The following CRADD variants were observed in gnomAD, a reference collection of about 807,000 sequenced individuals.
The protein encoded by CRADD is death domain-containing protein CRADD.
In CRADD, 9 loss-of-function variants were observed where a neutral mutation model predicts 15.5. The ratio of observed to expected loss-of-function variants is 0.58; its 90% CI spans 0.35 to 1.01. The LOEUF (loss-of-function observed/expected upper bound fraction) is 1.01, where lower values mean the gene tolerates loss of function less well. Among genes scored for constraint, CRADD ranks in the 50% least tolerant of loss-of-function variants. The pLI is 0.02. For missense variants in CRADD, 227 were observed against 250.3 expected (o/e 0.91, Z 0.63); for synonymous variants, 118 against 107.6 (o/e 1.10, Z -0.60).
At chr12:93,800,791 C>A (rs1476000892) in intron 2 of CRADD, among the ~76,000 whole-genome samples, 1 of 152,160 alleles carries the variant, frequency 6.6e-6, no homozygotes, top group Non-Finnish European at 1.5e-5. Context: ...TCTGTTGATT[C>A]AAATGCTACT....
chr12:93,880,771 C>T (rs1378291273), intron 2 of CRADD, among the ~76,000 whole-genome samples: 2 of 152,244 alleles, frequency 1.3e-5, no homozygotes, highest in Non-Finnish European at 2.9e-5. Context: ...CAAAAGATCT[C>T]TTTCTGCCTT....
At chr12:93,707,980 C>G (rs1450395591) in intron 2 of CRADD, 1 of 152,156 alleles carries the variant, frequency 6.6e-6, no homozygotes, top group Non-Finnish European at 1.5e-5. Flanking sequence ...AATATAATCT[C>G]AAAATATCTA....
At chr12:93,782,291 A>G (rs1458946996) in intron 2 of CRADD, among the ~76,000 whole-genome samples, 5 of 143,938 alleles carry the variant, frequency 3.5e-5, no homozygotes, top group Admixed American at 2.8e-4. Flanking sequence ...GAATTGAACA[A>G]TGAGAACACA....
At chr12:93,802,218 T>G (rs1957483965) in intron 2 of CRADD, among the ~76,000 whole-genome samples, 1 of 152,252 alleles carries the variant, frequency 6.6e-6, no homozygotes, top group Non-Finnish European at 1.5e-5. Flanking sequence ...GTAGTGGGAT[T>G]GCTGGATTGA....
intron 2 of CRADD, among the ~76,000 whole-genome samples, chr12:93,701,295 G>GACACACAC (rs55986038): frequency 0.06 from 8,593 of 143,414 alleles, 324 homozygotes; most frequent in African/African-American, 0.11. Context: ...CTCTCTCTGT[G>GACACACAC]ACACACACAC....
intron 2 of CRADD, among the ~76,000 whole-genome samples, chr12:93,803,452 GA>G (rs1209915518): frequency 6.6e-6 from 1 of 151,820 alleles, no homozygotes; most frequent in African/African-American, 2.4e-5. Context: ...TTGTGAGCAA[GA>G]AAAAAAATAT....
intron 2 of CRADD, among the ~76,000 whole-genome samples, chr12:93,704,605 T>G (rs1160454651): frequency 6.6e-6 from 1 of 152,212 alleles, no homozygotes; most frequent in Non-Finnish European, 1.5e-5. Flanking sequence ...GTAAAACGTT[T>G]TCCACATGGC....
chr12:93,761,418 C>A (rs1324680431), intron 2 of CRADD, among the ~76,000 whole-genome samples: 1 of 152,026 alleles, frequency 6.6e-6, no homozygotes, highest in East Asian at 1.9e-4. Context: ...GCAGTGAGGA[C>A]AACTGGGAGA....
intron 2 of CRADD, among the ~76,000 whole-genome samples, chr12:93,785,747 A>G (rs576642569): frequency 6.6e-6 from 1 of 152,338 alleles, no homozygotes; most frequent in Non-Finnish European, 1.5e-5. Context: ...CCATTAAATC[A>G]TATATATGTT....
intron 2 of CRADD, among the ~76,000 whole-genome samples, chr12:93,813,026 G>T (rs1196396589): frequency 6.6e-6 from 1 of 152,182 alleles, no homozygotes; most frequent in Admixed American, 6.5e-5. Context: ...GGAAGAAAAG[G>T]CAGGAAATAC....
At chr12:93,739,523 C>A (rs1445413824) in intron 2 of CRADD, among the ~76,000 whole-genome samples, 2 of 150,734 alleles carry the variant, frequency 1.3e-5, no homozygotes, top group Admixed American at 6.6e-5. Flanking sequence ...GATTAAATAT[C>A]ATAAAAATCT....
chr12:93,741,015 C>G (rs540130130), intron 2 of CRADD, among the ~76,000 whole-genome samples: 2 of 152,060 alleles, frequency 1.3e-5, no homozygotes, highest in Admixed American at 6.5e-5. Context: ...ATTATACTTG[C>G]TTTTCCTGAA....
At chr12:93,869,835 A>G (rs1475251723) in intron 2 of CRADD, among the ~76,000 whole-genome samples, 3 of 152,194 alleles carry the variant, frequency 2.0e-5, no homozygotes, top group Non-Finnish European at 4.4e-5. Context: ...CATCTGTGTT[A>G]TTCAGGAGAA....
At chr12:93,755,617 A>G (rs1956881095) in intron 2 of CRADD, among the ~76,000 whole-genome samples, 1 of 152,136 alleles carries the variant, frequency 6.6e-6, no homozygotes, top group Non-Finnish European at 1.5e-5. Context: ...CCACAGGCGT[A>G]CCTCCTTTAG....
At chr12:93,752,060 G>C (rs1956834677) in intron 2 of CRADD, among the ~76,000 whole-genome samples, 1 of 152,204 alleles carries the variant, frequency 6.6e-6, no homozygotes, top group African/African-American at 2.4e-5. Context: ...ATCTGTACTT[G>C]CCAAGGGTGG....
chr12:93,771,789 G>T (rs1364741368), intron 2 of CRADD, among the ~76,000 whole-genome samples: 1 of 152,332 alleles, frequency 6.6e-6, no homozygotes, highest in East Asian at 1.9e-4. Context: ...TTCTAGACAT[G>T]ACCTCACTGC....
intron 2 of CRADD, among the ~76,000 whole-genome samples, chr12:93,891,631 T>G (rs561687879): frequency 1.3e-5 from 2 of 152,372 alleles, no homozygotes; most frequent in South Asian, 4.1e-4. Context: ...CCCAGCTGTT[T>G]GCAGACCACA....
chr12:93,871,922 A>G (rs1958423951), intron 2 of CRADD, among the ~76,000 whole-genome samples: 1 of 152,180 alleles, frequency 6.6e-6, no homozygotes, highest in Non-Finnish European at 1.5e-5. Flanking sequence ...TTTTGGGTAT[A>G]TACCTAGCAG....
intron 2 of CRADD, chr12:93,708,188 A>G (rs1379714047): frequency 1.3e-5 from 2 of 152,244 alleles, no homozygotes; most frequent in Admixed American, 1.3e-4. Context: ...TGCCGTTGAG[A>G]CATAGTTGAG....
Sources: allele counts gnomAD v4.1 joint callset (sites outside exome capture counted in the v4.1 genomes callset), GRCh38; gene constraint gnomAD v4.1.1; transcripts MANE v1.5; gene names NCBI Gene and HGNC (gene_info 2026-07-23, HGNC 2026-07-21).